Variants in SERGEF observed in about 807,000 individuals in gnomAD.
SERGEF encodes secretion-regulating guanine nucleotide exchange factor.
A neutral mutation model predicts 50.0 loss-of-function variants in SERGEF; 51 were observed. That is an observed-to-expected ratio of 1.02 (90% CI 0.81 to 1.29). The LOEUF is 1.29. Among genes scored for constraint, SERGEF ranks in the 50% most tolerant of loss-of-function variants. The pLI is 0.00. For synonymous variants in SERGEF, 205 were observed against 212.4 expected (o/e 0.97, Z 0.30); for missense variants, 521 against 557.0 (o/e 0.94, Z 0.65).
chr11:17,868,574 C>T (rs909663367), intron 10 of SERGEF, among the ~76,000 whole-genome samples: 2 of 152,282 alleles, frequency 1.3e-5, no homozygotes, highest in Middle Eastern at 3.4e-3. Flanking sequence ...GTTCCAAAGT[C>T]GCACCCACAT....
chr11:17,841,774 C>A (rs1051605692), intron 10 of SERGEF, among the ~76,000 whole-genome samples: 1 of 152,182 alleles, frequency 6.6e-6, no homozygotes, highest in East Asian at 1.9e-4. Context: ...CCCCTCCAGC[C>A]TTTTCTCTGT....
At chr11:18,009,052 C>G (rs1325962943) in intron 1 of SERGEF, among the ~76,000 whole-genome samples, 4 of 152,022 alleles carry the variant, frequency 2.6e-5, no homozygotes, top group African/African-American at 7.2e-5. Flanking sequence ...AACACTCTTA[C>G]CCCATCTCCT....
intron 10 of SERGEF, among the ~76,000 whole-genome samples, chr11:17,850,565 AC>A (rs1407964192): frequency 3.9e-5 from 6 of 152,224 alleles, no homozygotes; most frequent in African/African-American, 1.4e-4. Context: ...GAATTTAATT[AC>A]GCTCACTAGA....
chr11:17,847,290 G>A (rs1234683370), intron 10 of SERGEF, among the ~76,000 whole-genome samples: 3 of 152,244 alleles, frequency 2.0e-5, no homozygotes, highest in South Asian at 4.1e-4. Flanking sequence ...CTGAGCAGAC[G>A]GCAGAACGTG....
chr11:17,800,966 C>T (rs569779920), intron 10 of SERGEF, among the ~76,000 whole-genome samples: 3 of 151,894 alleles, frequency 2.0e-5, no homozygotes, highest in Non-Finnish European at 2.9e-5. Context: ...GAGGCCGAGG[C>T]GGGTGGATCA....
At chr11:17,939,489 A>G (rs1258183182) in intron 9 of SERGEF, 1 of 152,198 alleles carries the variant, frequency 6.6e-6, no homozygotes, top group Non-Finnish European at 1.5e-5. Flanking sequence ...GTTGCACTGG[A>G]ACACTCTGAA....
intron 10 of SERGEF, chr11:17,846,658 C>T (rs1426129389): frequency 2.2e-6 from 1 of 455,736 alleles, no homozygotes; most frequent in Non-Finnish European, 4.4e-6. Flanking sequence ...AAAATGGCTC[C>T]ATGACACATG....
intron 8 of SERGEF, among the ~76,000 whole-genome samples, chr11:17,961,054 C>A (rs1852986106): frequency 6.6e-6 from 1 of 152,178 alleles, no homozygotes; most frequent in African/African-American, 2.4e-5. Flanking sequence ...CCCCAGCTCT[C>A]CCCAGAAAGG....
At chr11:17,881,725 G>A (rs1378825606) in intron 9 of SERGEF, among the ~76,000 whole-genome samples, 1 of 152,204 alleles carries the variant, frequency 6.6e-6, no homozygotes, top group Non-Finnish European at 1.5e-5. Flanking sequence ...GTTCTGAGGT[G>A]TAAAAAGTAG....
At chr11:17,812,133 C>T (rs1202638890) in intron 10 of SERGEF, among the ~76,000 whole-genome samples, 1 of 152,176 alleles carries the variant, frequency 6.6e-6, no homozygotes, top group Non-Finnish European at 1.5e-5. Context: ...GAGCTTCCAG[C>T]CCCAACCCAC....
At chr11:17,923,834 G>A (rs537125080) in intron 9 of SERGEF, among the ~76,000 whole-genome samples, 1 of 152,168 alleles carries the variant, frequency 6.6e-6, no homozygotes, top group Non-Finnish European at 1.5e-5. Flanking sequence ...TCAGCATCCT[G>A]GACTGACACT....
intron 9 of SERGEF, among the ~76,000 whole-genome samples, chr11:17,953,571 G>A (rs868567369): frequency 2.1e-4 from 32 of 152,316 alleles, no homozygotes; most frequent in African/African-American, 5.5e-4. Flanking sequence ...GAGAAGCACA[G>A]ACTATGGGGA....
chr11:17,974,586 T>C (rs1853327361), intron 8 of SERGEF, among the ~76,000 whole-genome samples: 1 of 152,140 alleles, frequency 6.6e-6, no homozygotes. Context: ...AAGTCTCTCA[T>C]AAAAGGGCTC....
chr11:17,825,005 C>A (rs1233853901), intron 10 of SERGEF, among the ~76,000 whole-genome samples: 1 of 152,198 alleles, frequency 6.6e-6, no homozygotes, highest in South Asian at 2.1e-4. Flanking sequence ...CCAAGGAACA[C>A]CTTCTAAAGC....
chr11:17,992,490 T>C (rs770665903), intron 7 of SERGEF, among the ~76,000 whole-genome samples: 13 of 152,216 alleles, frequency 8.5e-5, no homozygotes, highest in Admixed American at 2.0e-4. Context: ...GAGAGCAGCT[T>C]CTACCCTCAT....
At chr11:17,997,747 A>T (rs1853867895) in intron 5 of SERGEF, among the ~76,000 whole-genome samples, 1 of 152,244 alleles carries the variant, frequency 6.6e-6, no homozygotes, top group African/African-American at 2.4e-5. Flanking sequence ...CCTTGAGGAC[A>T]TCATGCTAAG....
chr11:17,830,953 C>T (rs1204642277), intron 10 of SERGEF, among the ~76,000 whole-genome samples: 1 of 152,140 alleles, frequency 6.6e-6, no homozygotes, highest in Non-Finnish European at 1.5e-5. Flanking sequence ...TTTTCTTTAT[C>T]TCAAGACTGT....
intron 10 of SERGEF, among the ~76,000 whole-genome samples, chr11:17,863,115 A>G (rs928232825): frequency 1.3e-5 from 2 of 152,190 alleles, no homozygotes; most frequent in African/African-American, 2.4e-5. Flanking sequence ...TACTTCTTTG[A>G]GTTCTCATCT....
At chr11:17,811,764 G>A (rs2133835682) in intron 10 of SERGEF, among the ~76,000 whole-genome samples, 1 of 152,328 alleles carries the variant, frequency 6.6e-6, no homozygotes, top group South Asian at 2.1e-4. Context: ...ATAAAGATTG[G>A]AAGAGAAACA....
Sources: allele counts gnomAD v4.1 joint callset (sites outside exome capture counted in the v4.1 genomes callset), GRCh38; gene constraint gnomAD v4.1.1; transcripts MANE v1.5; gene names NCBI Gene and HGNC (gene_info 2026-07-23, HGNC 2026-07-21).